The following RAG1 variants were observed in gnomAD, a reference collection of about 807,000 sequenced individuals.
RAG1 encodes V(D)J recombination-activating protein 1.
In RAG1, 35 loss-of-function variants were observed where a neutral mutation model predicts 62.7. The observed-to-expected ratio is 0.56, with a 90% CI of 0.43 to 0.74. RAG1 has a LOEUF of 0.74. Among genes scored for constraint, RAG1 ranks in the 30% least tolerant of loss-of-function variants. RAG1 has a pLI of 0.00. For synonymous variants in RAG1, 461 were observed against 470.3 expected (o/e 0.98, Z 0.26); for missense variants, 1,169 against 1,278.6 (o/e 0.91, Z 1.31).
intron 2 of RAG1, among the ~76,000 whole-genome samples, chr11:36,521,733 C>T (rs1860083284): frequency 2.0e-5 from 3 of 152,154 alleles, no homozygotes. Flanking sequence ...ACTTCCTAGA[C>T]ACTTGTTCAA....
At chr11:36,544,697 C>T (rs116170324) in intron 3 of RAG1, among the ~76,000 whole-genome samples, 3,410 of 152,226 alleles carry the variant, frequency 0.022, 127 homozygotes, top group African/African-American at 0.077. Context: ...GGTCTGGCTA[C>T]ATGTCCTCAC....
At chr11:36,562,365 T>G (rs1410557972) in intron 3 of RAG1, among the ~76,000 whole-genome samples, 1 of 152,204 alleles carries the variant, frequency 6.6e-6, no homozygotes, top group Non-Finnish European at 1.5e-5. Flanking sequence ...ATGTTTTAAC[T>G]CACTTAATTC....
intron 3 of RAG1, among the ~76,000 whole-genome samples, chr11:36,560,218 A>T (rs1850562816): frequency 6.6e-6 from 1 of 152,006 alleles, no homozygotes; most frequent in Non-Finnish European, 1.5e-5. Flanking sequence ...CTGGTAGGGT[A>T]TGTGTTGGGC....
At chr11:36,518,993 A>G (rs541761535) in intron 1 of RAG1, among the ~76,000 whole-genome samples, 6 of 152,332 alleles carry the variant, frequency 3.9e-5, no homozygotes, top group Admixed American at 1.3e-4. Context: ...TGAGCTAATG[A>G]TACTACTTTC....
chr11:36,563,208 G>A (rs1202123360), upstream of RAG1, among the ~76,000 whole-genome samples: 1 of 152,198 alleles, frequency 6.6e-6, no homozygotes, highest in Admixed American at 6.5e-5. Context: ...GTATGTCTGT[G>A]TTCATACTTC....
At chr11:36,572,381 G>A (rs983343086) in intron 1 of RAG1, among the ~76,000 whole-genome samples, 5 of 152,136 alleles carry the variant, frequency 3.3e-5, no homozygotes, top group Non-Finnish European at 7.3e-5. Flanking sequence ...CGGGTTTCCT[G>A]GCATATGTAA....
rs760255456 is a variant in RAG1 at position 36,575,858 on chromosome 11, A to T, written c.2554A>T (p.Met852Leu). 27 of 1,614,100 alleles carry T rather than the reference A, an allele frequency of 1.7e-5. No individual in the cohort carries two copies. The East Asian group carries it at 4.5e-4, about 27-fold the overall frequency. The part of the protein sequence containing the change: ...KKMNLKPIMR[M>L]NGNFARKLMT... ...GATGAACCTCAAACCAATCATGAGGATGAATGGCAACTTTGCCAGGAAGCT... is the reference window on the plus strand; with the variant it reads ...GATGAACCTCAAACCAATCATGAGGTTGAATGGCAACTTTGCCAGGAAGCT... The change falls in exon 2 of 2, where the codon ATG becomes TTG. Residue 852 changes from methionine (M) to leucine (L), a missense_variant. Physicochemically the swap from Met to Leu is conservative, Grantham distance 15 (BLOSUM62 2). Coordinates refer to ENST00000299440, the MANE Select transcript of RAG1 (RefSeq NM_000448.3). The surrounding 1 kb of genome is among the most constrained non-coding windows in gnomAD (Gnocchi z 4.1).
At chr11:36,519,510 A>G (rs1354395304) in intron 1 of RAG1, among the ~76,000 whole-genome samples, 2 of 152,240 alleles carry the variant, frequency 1.3e-5, no homozygotes, top group Non-Finnish European at 2.9e-5. Flanking sequence ...TAGTAAATTA[A>G]CTATTCCTCT....
chr11:36,544,495 A>G (rs1850363258), intron 3 of RAG1, among the ~76,000 whole-genome samples: 1 of 152,196 alleles, frequency 6.6e-6, no homozygotes, highest in Non-Finnish European at 1.5e-5. Flanking sequence ...GCCAGTGTTA[A>G]CAGGTCCTTG....
intron 1 of RAG1, among the ~76,000 whole-genome samples, chr11:36,513,168 A>G (rs1437504626): frequency 6.6e-6 from 1 of 152,188 alleles, no homozygotes; most frequent in African/African-American, 2.4e-5. Context: ...AGGATGACAC[A>G]GCAAGAAGGC....
chr11:36,573,655 T>C lies in RAG1; in HGVS notation c.351T>C (p.Ser117=), dbSNP rs1318143764. Residue 117 remains serine, a synonymous_variant, in exon 2 of 2, where the codon TCT becomes TCC. Coordinates refer to ENST00000299440, the MANE Select transcript of RAG1 (RefSeq NM_000448.3). ...LRHLCRICGN[S]FRADEHNRRY... Reference sequence around the variant, plus strand: ...ATCTCTGCCGCATCTGTGGGAATTCTTTTAGAGCTGATGAGCACAACAGGA... The same window carrying C: ...ATCTCTGCCGCATCTGTGGGAATTCCTTTAGAGCTGATGAGCACAACAGGA... The C allele has an allele frequency of 6.2e-7, 1 of 1,614,198 alleles. No individual in the cohort carries two copies. The highest frequency in any genetic ancestry group is 8.5e-7 in the Non-Finnish European group (1 of 1,180,024).
At chr11:36,523,966 C>G (rs933845953) in intron 2 of RAG1, among the ~76,000 whole-genome samples, 1 of 152,168 alleles carries the variant, frequency 6.6e-6, no homozygotes, top group Admixed American at 6.5e-5. Flanking sequence ...CACCCACTCT[C>G]TCCTCCTCTA....
At chr11:36,516,216 A>C (rs1341639424) in intron 1 of RAG1, among the ~76,000 whole-genome samples, 2 of 152,242 alleles carry the variant, frequency 1.3e-5, no homozygotes, top group Non-Finnish European at 2.9e-5. Context: ...TATAGTTTTA[A>C]TGCAAATGAA....
intron 2 of RAG1, among the ~76,000 whole-genome samples, chr11:36,530,987 C>A (rs1384651113): frequency 6.6e-6 from 1 of 151,948 alleles, no homozygotes; most frequent in African/African-American, 2.4e-5. Context: ...TTTTTCAACA[C>A]ATTGTTTGAT....
At chr11:36,520,553 A>G (rs1403805234) in intron 2 of RAG1, among the ~76,000 whole-genome samples, 1 of 152,262 alleles carries the variant, frequency 6.6e-6, no homozygotes, top group African/African-American at 2.4e-5. Flanking sequence ...CTGGGATTAC[A>G]GGCATGAGCC....
rs747746845 is a variant in RAG1 at position 36,575,563 on chromosome 11, T to C, written c.2259T>C (p.His753=). 1 of 1,614,238 alleles carries C rather than the reference T, an allele frequency of 6.2e-7. No individual in the cohort carries two copies. Among genetic ancestry groups the C allele is most frequent in the East Asian group, 2.2e-5 (1 of 44,880 alleles). ...NLVFHSITRS[H]AENLERYEVW... is the part of the protein sequence containing the mutation. The stretch of plus-strand genomic sequence containing the variant: ...TCTTCCACTCTATAACCAGAAGCCA[T>C]GCTGAGAACCTGGAACGTTATGAGG... The change falls in exon 2 of 2, where the codon CAT becomes CAC. Residue 753 remains histidine, a synonymous_variant. Coordinates refer to ENST00000299440, the MANE Select transcript of RAG1 (RefSeq NM_000448.3). This position sits in a 1 kb window ranked among gnomAD's most constrained non-coding sequence, Gnocchi z 4.1.
chr11:36,517,031 C>T (rs1282129272), intron 1 of RAG1, among the ~76,000 whole-genome samples: 4 of 152,128 alleles, frequency 2.6e-5, no homozygotes, highest in African/African-American at 9.7e-5. Context: ...TGGAGGCTCT[C>T]GCAGCAGCAG....
At chr11:36,512,324 A>G (rs1859937675) in intron 1 of RAG1, among the ~76,000 whole-genome samples, 4 of 152,224 alleles carry the variant, frequency 2.6e-5, no homozygotes, top group Admixed American at 2.6e-4. Flanking sequence ...CACTCAGTTG[A>G]TGTATGAAGG....
chr11:36,528,561 C>G (rs1312738760), intron 2 of RAG1, among the ~76,000 whole-genome samples: 1 of 151,968 alleles, frequency 6.6e-6, no homozygotes, highest in Non-Finnish European at 1.5e-5. Context: ...AAAATCAACA[C>G]CCTAACATAA....
Sources: allele counts gnomAD v4.1 joint callset (sites outside exome capture counted in the v4.1 genomes callset), GRCh38; gene constraint gnomAD v4.1.1; non-coding constraint Gnocchi (gnomAD v3.1); transcripts MANE v1.5; gene names NCBI Gene and HGNC (gene_info 2026-07-23, HGNC 2026-07-21).